Variants in CNBD1 observed in about 807,000 individuals in gnomAD.
The protein encoded by CNBD1 is cyclic nucleotide binding domain containing 1, also known as cyclic nucleotide-binding domain-containing protein 1.
CNBD1 carries 71 observed loss-of-function variants against 54.4 expected under a neutral mutation model. That is an observed-to-expected ratio of 1.30 (90% confidence interval 1.08 to 1.59). The LOEUF is 1.59. Ranked by LOEUF, CNBD1 falls within the 40% of genes most tolerant of loss-of-function variation. The pLI is 0.00. For missense variants in CNBD1, 659 were observed against 518.0 expected, an observed-to-expected ratio of 1.27 and a Z score of -2.64; for synonymous variants, 182 against 170.7, an observed-to-expected ratio of 1.07 and a Z score of -0.51.
intron 4 of CNBD1, among the ~76,000 whole-genome samples, chr8:86,990,783 G>A (rs1170430869): frequency 6.6e-6 from 1 of 152,120 alleles, no homozygotes; most frequent in African/African-American, 2.4e-5. Context: ...GCTTTAGGTA[G>A]TGTGACATTT....
intron 3 of CNBD1, among the ~76,000 whole-genome samples, chr8:86,932,086 G>A (rs996307046): frequency 6.6e-6 from 1 of 152,108 alleles, no homozygotes; most frequent in Non-Finnish European, 1.5e-5. Flanking sequence ...ATTTACTTAA[G>A]ATACCAGGTA....
chr8:86,989,175 G>A (rs564331769), intron 4 of CNBD1, among the ~76,000 whole-genome samples: 1 of 152,112 alleles, frequency 6.6e-6, no homozygotes, highest in Non-Finnish European at 1.5e-5. Flanking sequence ...AGGAAGCTGA[G>A]GTGAGAGGAT....
intron 6 of CNBD1, among the ~76,000 whole-genome samples, chr8:87,276,937 T>C (rs1483167025): frequency 6.6e-6 from 1 of 150,822 alleles, no homozygotes; most frequent in Non-Finnish European, 1.5e-5. Context: ...GGGGCCAAGA[T>C]ACTGAGAAAA....
intron 4 of CNBD1, among the ~76,000 whole-genome samples, chr8:86,964,725 G>A (rs553373580): frequency 6.6e-6 from 1 of 152,304 alleles, no homozygotes; most frequent in Admixed American, 6.5e-5. Context: ...AGAGAACCTG[G>A]ATAGGGAGGA....
chr8:87,253,799 A>G (rs1273981167), intron 6 of CNBD1, among the ~76,000 whole-genome samples: 1 of 152,210 alleles, frequency 6.6e-6, no homozygotes, highest in Non-Finnish European at 1.5e-5. Flanking sequence ...ACCAAAAGTG[A>G]TGAACAACAA....
chr8:86,982,491 G>T (rs921396436), intron 4 of CNBD1, among the ~76,000 whole-genome samples: 2 of 152,146 alleles, frequency 1.3e-5, no homozygotes, highest in Non-Finnish European at 2.9e-5. Context: ...GTGGATAAGT[G>T]TTGAGGTTCC....
chr8:87,038,776 TAAG>T (rs1461754144), intron 4 of CNBD1, among the ~76,000 whole-genome samples: 1 of 152,298 alleles, frequency 6.6e-6, no homozygotes, highest in East Asian at 1.9e-4. Context: ...CTCTAGTAAT[TAAG>T]AAGAATTTGG....
At chr8:87,321,803 C>CTTT (rs765165524) in intron 8 of CNBD1, among the ~76,000 whole-genome samples, 1 of 89,010 alleles carries the variant, frequency 1.1e-5, no homozygotes, top group African/African-American at 4.0e-5. Flanking sequence ...TTTTCTTTTT[C>CTTT]TTTTTTTTTT....
chr8:87,146,190 T>A (rs1355474899), intron 4 of CNBD1, among the ~76,000 whole-genome samples: 1 of 152,150 alleles, frequency 6.6e-6, no homozygotes, highest in Non-Finnish European at 1.5e-5. Context: ...CTTTTCTTTC[T>A]TCCAAGTGAG....
At chr8:87,056,625 C>G (rs1302296210) in intron 4 of CNBD1, among the ~76,000 whole-genome samples, 1 of 152,006 alleles carries the variant, frequency 6.6e-6, no homozygotes, top group African/African-American at 2.4e-5. Flanking sequence ...CAGAAATATT[C>G]TTGACCAAAA....
intron 6 of CNBD1, among the ~76,000 whole-genome samples, chr8:87,246,375 C>T (rs1239740079): frequency 6.6e-6 from 1 of 152,140 alleles, no homozygotes. Flanking sequence ...TTGACAACAA[C>T]ATAAGCTTTG....
At chr8:86,940,659 T>G (rs1809638213) in intron 4 of CNBD1, among the ~76,000 whole-genome samples, 2 of 151,646 alleles carry the variant, frequency 1.3e-5, no homozygotes, top group African/African-American at 4.8e-5. Flanking sequence ...CATAGGGGAG[T>G]AAAATTAAAC....
At chr8:86,991,214 T>C (rs369801117) in intron 4 of CNBD1, among the ~76,000 whole-genome samples, 1 of 152,168 alleles carries the variant, frequency 6.6e-6, no homozygotes, top group East Asian at 1.9e-4. Flanking sequence ...CCTAGTATTA[T>C]GTTGAATGAC....
chr8:87,382,876 G>A (rs1811110329), downstream of CNBD1: 1 of 366,552 alleles, frequency 2.7e-6, no homozygotes, highest in Admixed American at 4.3e-5. Context: ...TTGATACGAA[G>A]GTTTTCTTTC....
intron 8 of CNBD1, among the ~76,000 whole-genome samples, chr8:87,328,030 C>G (rs1355814709): frequency 1.3e-5 from 2 of 150,876 alleles, no homozygotes; most frequent in Non-Finnish European, 1.5e-5. Flanking sequence ...CAGGTTTGTT[C>G]CATAGGTATA....
chr8:87,418,068 T>C (rs1466208583), intron 2 of CNBD1, among the ~76,000 whole-genome samples: 1 of 151,862 alleles, frequency 6.6e-6, no homozygotes, highest in Admixed American at 6.6e-5. Flanking sequence ...AAAATCAATA[T>C]GAAAATACTA....
chr8:87,115,193 C>T (rs1811743808), intron 4 of CNBD1, among the ~76,000 whole-genome samples: 1 of 152,188 alleles, frequency 6.6e-6, no homozygotes, highest in Admixed American at 6.5e-5. Context: ...AAACCACATT[C>T]ATCTCAGGCA....
chr8:87,329,196 T>G (rs1809759217), intron 8 of CNBD1, among the ~76,000 whole-genome samples: 1 of 152,190 alleles, frequency 6.6e-6, no homozygotes, highest in African/African-American at 2.4e-5. Flanking sequence ...GTACTGCCTT[T>G]GTTCTGTTTT....
At chr8:87,372,634 T>C (rs1233353853) in intron 10 of CNBD1, among the ~76,000 whole-genome samples, 1 of 151,856 alleles carries the variant, frequency 6.6e-6, no homozygotes, top group Non-Finnish European at 1.5e-5. Context: ...AGTAATAGCT[T>C]TTTTGTTACA....
Sources: gnomAD v4.1 joint callset for allele counts (sites outside exome capture counted in the v4.1 genomes callset) on GRCh38, gnomAD v4.1.1 for gene constraint, MANE v1.5 for transcripts, NCBI Gene and HGNC (gene_info 2026-07-23, HGNC 2026-07-21) for gene names.